Variants in FBXL16 observed in about 807,000 individuals in gnomAD.
The protein encoded by FBXL16 is F-box/LRR-repeat protein 16.
In FBXL16, 7 loss-of-function variants were observed where a neutral mutation model predicts 36.7. The observed-to-expected ratio is 0.19, with a 90% CI of 0.11 to 0.36. FBXL16 has a LOEUF of 0.36. Among genes scored for constraint, FBXL16 ranks in the 10% least tolerant of loss-of-function variants. FBXL16 has a pLI of 1.00. For missense variants in FBXL16, 463 were observed against 659.4 expected (o/e 0.70, Z 3.26); for synonymous variants, 355 against 308.7 (o/e 1.15, Z -1.57).
At chr16:694,830 G>T in intron 4 of FBXL16, 133 bp from the exon 5 acceptor site, 1 of 1,291,324 alleles carries the variant, frequency 7.7e-7, no homozygotes, top group Non-Finnish European at 1.1e-6. Flanking sequence ...AGGCGGCTGG[G>T]AAGTGCTCGT....
Position 694,649 on chromosome 16 carries a change from G to A in FBXL16, c.1276C>T (p.Leu426Phe), listed in dbSNP as rs759937987. 14 of 1,610,148 alleles carry A rather than the reference G, an allele frequency of 8.7e-6. No individual in the cohort carries two copies. Among genetic ancestry groups the A allele is most frequent in the East Asian group, 2.2e-5 (1 of 44,774 alleles). ...GGGGTCTCACCTGCCAGAGACAGGAGGCGCAAACTCCCCAGGGCCAGGAGG... is the reference window on the plus strand; with the variant it reads ...GGGGTCTCACCTGCCAGAGACAGGAAGCGCAAACTCCCCAGGGCCAGGAGG... ...KHLLALGSLR[L>F]LSLAGCPLLT... The change falls in exon 5 of 6, where the codon CTC becomes TTC. Residue 426 changes from leucine (L) to phenylalanine (F), a missense_variant. Physicochemically the swap from Leu to Phe is conservative, Grantham distance 22 (BLOSUM62 0). This residue lies in a region of FBXL16 where 134 missense variants were observed against 172.0 expected (regional missense o/e 0.78). Transcript: ENST00000397621.
intron 1 of FBXL16, among the ~76,000 whole-genome samples, chr16:698,620 A>C (rs150697017): frequency 1.4e-4 from 22 of 152,352 alleles, no homozygotes; most frequent in African/African-American, 5.3e-4. Flanking sequence ...TCCCTGGCTC[A>C]GAATCTACCC....
intron 1 of FBXL16, among the ~76,000 whole-genome samples, chr16:701,041 G>A (rs535976668): frequency 6.6e-6 from 1 of 152,312 alleles, no homozygotes; most frequent in African/African-American, 2.4e-5. Flanking sequence ...CCCAGTCATG[G>A]GCCTGCACGT....
At chr16:696,111 G>C (rs770924183) in intron 2 of FBXL16, 188 bp from the exon 3 acceptor site, 237 of 799,178 alleles carry the variant, frequency 3.0e-4, no homozygotes, top group Non-Finnish European at 4.2e-4. Context: ...TGGCACCAGC[G>C]TTACAATTAG....
chr16:697,122 A>G lies in FBXL16; in HGVS notation c.284T>C (p.Leu95Pro), dbSNP rs1366827841. Residue 95 changes from leucine to proline, a missense_variant, in exon 2 of 6, where the codon CTG becomes CCG. By Grantham distance (98) the Leu-to-Pro change is moderately conservative. This residue lies in a region of FBXL16 where 263 missense variants were observed against 341.1 expected (regional missense o/e 0.77). Transcript: ENST00000397621. This position sits in a 1 kb window ranked among gnomAD's most constrained non-coding sequence, Gnocchi z 4.6. Reference sequence around the variant, plus strand: ...ATTGAGGATCTTCTCGTCCGTGGCCAGCGGCGGCCGCTCCGCTGGGTGCCC... The same window carrying G: ...ATTGAGGATCTTCTCGTCCGTGGCCGGCGGCGGCCGCTCCGCTGGGTGCCC... ...APGHPAERPP[L>P]ATDEKILNGL... 1.9e-6 allele frequency: 3 copies of G among 1,605,886 alleles called. No homozygotes were observed. The highest frequency in any genetic ancestry group is 1.7e-6 in the Non-Finnish European group (2 of 1,176,788).
intron 1 of FBXL16, among the ~76,000 whole-genome samples, chr16:704,496 G>A (rs2040077455): frequency 6.6e-6 from 1 of 152,220 alleles, no homozygotes; most frequent in South Asian, 2.1e-4. Flanking sequence ...GTCCAGCCCT[G>A]TGTCCACCTC....
chr16:698,178 T>C (rs764855636), intron 1 of FBXL16, among the ~76,000 whole-genome samples: 17 of 151,984 alleles, frequency 1.1e-4, no homozygotes, highest in Non-Finnish European at 2.5e-4. Context: ...TAATTTTGTA[T>C]TTTTAGTAGA....
rs751580751 is a variant in FBXL16 at position 696,900 on chromosome 16, T to G, written c.506A>C (p.Glu169Ala). The change falls in exon 2 of 6, where the codon GAG (glutamate) becomes GCG (alanine). Residue 169 changes from glutamate (E) to alanine (A), a missense_variant. This residue lies in a region of FBXL16 where 263 missense variants were observed against 341.1 expected (regional missense o/e 0.77). Coordinates refer to ENST00000397621, the MANE Select transcript of FBXL16 (RefSeq NM_153350.4). ...NLQGFAARGFEGFCLVGVSDL... is the reference protein window; with the variant it reads ...NLQGFAARGFAGFCLVGVSDL... The stretch of plus-strand genomic sequence containing the variant: ...GGAGACGCCAACCAGGCAGAAGCCC[T>G]CGAAGCCTCTGGCGGCAAAACCCTG... The G allele has an allele frequency of 6.2e-7, 1 of 1,610,484 alleles. No individual in the cohort carries two copies. Among genetic ancestry groups the G allele is most frequent in the Non-Finnish European group, 8.5e-7 (1 of 1,179,154 alleles).
chr16:696,779 G>A lies in FBXL16; in HGVS notation c.627C>T (p.Gly209=), dbSNP rs746895784. The change falls in exon 2 of 6, where the codon GGC becomes GGT. Residue 209 remains glycine (G), a synonymous_variant. Transcript: ENST00000397621. The part of the protein sequence containing the change: ...SLKRSTITDA[G]LEVMLEQMQG... ...CCCCGAGCCTGGTGCACACCTCGAG[G>A]CCTGCGTCCGTGATGGTGGAGCGCT... 1 of 1,143,500 alleles carries A rather than the reference G, an allele frequency of 8.7e-7. No individual in the cohort carries two copies. The highest frequency in any genetic ancestry group is 1.1e-6 in the Non-Finnish European group (1 of 892,088). The allele number at this position is 1,143,500 out of a possible 1,614,324, so 70.8% of individuals were successfully genotyped here. A position where few individuals can be genotyped will look rare whatever the true frequency, so the allele number is the denominator to read the frequency against.
At chr16:700,715 G>C (rs1031561069) in intron 1 of FBXL16, among the ~76,000 whole-genome samples, 2 of 152,066 alleles carry the variant, frequency 1.3e-5, no homozygotes, top group African/African-American at 2.4e-5. Flanking sequence ...CCCCAGACCC[G>C]GAAGCGCCGC....
At position 694,273 on chromosome 16, in the gene FBXL16, C is replaced by A. The variant is rs367614744; in HGVS notation, c.*2G>T. 12 of 1,391,274 alleles carry A rather than the reference C, an allele frequency of 8.6e-6. No homozygotes were observed. Among genetic ancestry groups the A allele is most frequent in the Admixed American group, 3.1e-5 (1 of 32,394 alleles). The allele number at this position is 1,391,274 out of a possible 1,614,324, so 86.2% of individuals were successfully genotyped here. A position where few individuals can be genotyped will look rare whatever the true frequency, so the allele number is the denominator to read the frequency against. On this transcript the variant is annotated 3_prime_UTR_variant, in exon 6 of 6. Coordinates refer to ENST00000397621, the MANE Select transcript of FBXL16 (RefSeq NM_153350.4). ...TCCCGCGACCGGGGCGGGGGCCTCG[C>A]GCTACTCAATGACGAGGCAGCGGGG...
chr16:698,296 C>G (rs1054640542), intron 1 of FBXL16, among the ~76,000 whole-genome samples: 36 of 152,334 alleles, frequency 2.4e-4, no homozygotes, highest in African/African-American at 8.4e-4. Flanking sequence ...AGCCACCGTG[C>G]CTGACCGGAA....
chr16:696,177 T>G (rs1374531655), intron 2 of FBXL16, among the ~76,000 whole-genome samples: 3 of 152,102 alleles, frequency 2.0e-5, no homozygotes, highest in African/African-American at 7.2e-5. Context: ...GGGGATCCTT[T>G]CCCAGCTGCC....
At chr16:699,772 C>T (rs113682521) in intron 1 of FBXL16, among the ~76,000 whole-genome samples, 86 of 152,246 alleles carry the variant, frequency 5.6e-4, no homozygotes, top group African/African-American at 2.0e-3. Context: ...CCCAGCCCAC[C>T]CTGCCCCCTC....
At position 697,845 on chromosome 16, in the gene FBXL16, A is replaced by C. The variant is rs1461225228; in HGVS notation, c.-14-426T>G. 6.6e-6 allele frequency among the ~76,000 whole-genome samples: 1 copy of C among 151,958 alleles called. No individual in the cohort carries two copies. Among genetic ancestry groups the C allele is most frequent in the Non-Finnish European group, 1.5e-5 (1 of 67,994 alleles). ...GAAACACCATCTCTTCTAAAAATACAAAAAATTAGCTGGGCATGGTGGCAG... is the reference window on the plus strand; with the variant it reads ...GAAACACCATCTCTTCTAAAAATACCAAAAATTAGCTGGGCATGGTGGCAG... On this transcript the variant is annotated intron_variant, in intron 1 of 5. Coordinates refer to ENST00000397621, the MANE Select transcript of FBXL16 (RefSeq NM_153350.4). This position sits in a 1 kb window ranked among gnomAD's most constrained non-coding sequence, Gnocchi z 4.6.
At chr16:703,265 G>T (rs1033598198) in intron 1 of FBXL16, among the ~76,000 whole-genome samples, 1 of 152,130 alleles carries the variant, frequency 6.6e-6, no homozygotes, top group East Asian at 1.9e-4. Context: ...TGCACACCGC[G>T]TGCCCACCCC....
In FBXL16 at chr16:697,118, G is replaced by C. The variant is rs372877715; in HGVS notation, c.288C>G (p.Ala96=). 17 of 1,605,720 alleles carry C rather than the reference G, an allele frequency of 1.1e-5. No homozygotes were observed. Among genetic ancestry groups the C allele is most frequent in the South Asian group, 3.3e-5 (3 of 90,250 alleles). The change falls in exon 2 of 6, where the codon GCC becomes GCG. Residue 96 remains alanine (A), a synonymous_variant. Transcript: ENST00000397621. This position sits in a 1 kb window ranked among gnomAD's most constrained non-coding sequence, Gnocchi z 4.6. ...PGHPAERPPL[A]TDEKILNGLF... is the part of the protein sequence containing the mutation. ...GCCCATTGAGGATCTTCTCGTCCGT[G>C]GCCAGCGGCGGCCGCTCCGCTGGGT...
chr16:697,509 C>G lies in FBXL16; in HGVS notation c.-14-90G>C. 1 of 1,430,646 alleles carries G rather than the reference C, an allele frequency of 7.0e-7. No individual in the cohort carries two copies. Among genetic ancestry groups the G allele is most frequent in the Non-Finnish European group, 9.2e-7 (1 of 1,086,712 alleles). The allele number at this position is 1,430,646 out of a possible 1,614,324, so 88.6% of individuals were successfully genotyped here. On this transcript the variant is annotated intron_variant, in intron 1 of 5. Transcript: ENST00000397621. This position sits in a 1 kb window ranked among gnomAD's most constrained non-coding sequence, Gnocchi z 4.6. ...CGGGTGCAGTGGGGCTCCTTCCCTC[C>G]TTGGGCGTCCCTATGGTGCTCCCAG...
At chr16:700,029 T>G (rs2040044061) in intron 1 of FBXL16, among the ~76,000 whole-genome samples, 1 of 151,660 alleles carries the variant, frequency 6.6e-6, no homozygotes, top group Non-Finnish European at 1.5e-5. Flanking sequence ...CATAATCTGG[T>G]CAGGGGGGAG....
Sources: gnomAD v4.1 joint callset for allele counts (sites outside exome capture counted in the v4.1 genomes callset) on GRCh38, gnomAD v4.1.1 for gene constraint, gnomAD v4.1.1 regional missense constraint, Gnocchi (gnomAD v3.1) non-coding constraint, MANE v1.5 for transcripts, NCBI Gene and HGNC (gene_info 2026-07-23, HGNC 2026-07-21) for gene names.